CSMD1: variants seen among roughly 807,000 people sequenced by gnomAD.
The protein encoded by CSMD1 is CUB and sushi domain-containing protein 1.
A neutral mutation model predicts 417.5 loss-of-function variants in CSMD1; 213 were observed. The ratio of observed to expected loss-of-function variants is 0.51; its 90% CI spans 0.46 to 0.57. The LOEUF (loss-of-function observed/expected upper bound fraction) is 0.57. Among genes scored for constraint, CSMD1 ranks in the 20% least tolerant of loss-of-function variants. The pLI, the probability that CSMD1 is intolerant of heterozygous loss-of-function variation, is 0.00. For synonymous variants in CSMD1, 2,862 were observed against 1,736.8 expected (o/e 1.65, Z -16.11); for missense variants, 6,923 against 4,529.7 (o/e 1.53, Z -15.17).
chr8:3,679,314 G>C (rs1190783850), intron 7 of CSMD1, among the ~76,000 whole-genome samples: 1 of 152,092 alleles, frequency 6.6e-6, no homozygotes, highest in African/African-American at 2.4e-5. Context: ...GACACACATA[G>C]GCTCAAAATA....
chr8:4,677,158 T>G (rs2130964583), intron 1 of CSMD1, among the ~76,000 whole-genome samples: 1 of 148,898 alleles, frequency 6.7e-6, no homozygotes, highest in Admixed American at 6.7e-5. Flanking sequence ...ACATTATATC[T>G]CTATCGGATT....
At chr8:3,981,701 C>T (rs530758888) in intron 5 of CSMD1, among the ~76,000 whole-genome samples, 38 of 152,108 alleles carry the variant, frequency 2.5e-4, no homozygotes, top group African/African-American at 8.7e-4. Flanking sequence ...AAGAAAGGCT[C>T]TTTTGTATTT....
rs539788981 is a variant in CSMD1 at position 3,565,929 on chromosome 8, G to T, written c.1344+9016C>A. 2.0e-5 allele frequency among the ~76,000 whole-genome samples: 3 copies of T among 152,160 alleles called. No individual in the cohort carries two copies. In the East Asian group the frequency reaches 5.8e-4, roughly 29 times the overall value. The stretch of plus-strand genomic sequence containing the variant: ...TCCTGCTTCCAGTTTTGTGCCATCC[G>T]TGATGCGGACCAATCTTCCCAACGT... On this transcript the variant is annotated intron_variant, in intron 10 of 69. Transcript: ENST00000635120.
At chr8:3,014,176 G>C (rs141988789) in intron 52 of CSMD1, among the ~76,000 whole-genome samples, 5 of 141,072 alleles carry the variant, frequency 3.5e-5, no homozygotes, top group African/African-American at 1.4e-4. Flanking sequence ...TGCCCTGATC[G>C]AAGATAGGAA....
At chr8:3,640,081 A>G (rs547377469) in intron 7 of CSMD1, among the ~76,000 whole-genome samples, 56 of 152,308 alleles carry the variant, frequency 3.7e-4, no homozygotes, top group African/African-American at 1.3e-3. Flanking sequence ...AACTTATTTT[A>G]AAAATTGAAG....
chr8:4,197,681 C>T (rs1182287006), intron 3 of CSMD1, among the ~76,000 whole-genome samples: 1 of 152,124 alleles, frequency 6.6e-6, no homozygotes, highest in East Asian at 1.9e-4. Context: ...GAGTTTGAGG[C>T]CAGCTTGGCC....
rs538628935 is a variant in CSMD1, at chr8:3,723,933, A to C, written c.932-15442T>G. Among the ~76,000 whole-genome samples, 8 of 152,356 alleles carry C rather than the reference A, an allele frequency of 5.3e-5. No homozygotes were observed. The East Asian group carries it at 1.4e-3, about 26-fold the overall frequency. On this transcript the variant is annotated intron_variant, in intron 6 of 69. Coordinates refer to ENST00000635120, the MANE Select transcript of CSMD1 (RefSeq NM_033225.6). ...TGGATGCAGATTCCATTTTGTAGCT[A>C]ACTTTTAAGAAATAGCCATTTGTTA...
chr8:4,614,608 A>C (rs1242170652), intron 2 of CSMD1, among the ~76,000 whole-genome samples: 6 of 152,138 alleles, frequency 3.9e-5, no homozygotes, highest in African/African-American at 1.4e-4. Flanking sequence ...AAGTCCGCTG[A>C]GTATGACCAC....
intron 5 of CSMD1, among the ~76,000 whole-genome samples, chr8:3,956,540 C>T (rs1358720668): frequency 2.6e-5 from 4 of 152,162 alleles, no homozygotes; most frequent in Non-Finnish European, 5.9e-5. Context: ...AAAATAATGG[C>T]TACTTTTTAT....
intron 49 of CSMD1, among the ~76,000 whole-genome samples, chr8:3,069,544 C>CT (rs1585270674): frequency 1.3e-5 from 2 of 152,202 alleles, no homozygotes; most frequent in East Asian, 3.9e-4. Flanking sequence ...TCCTTTGACT[C>CT]TGTCTTACAT....
At chr8:3,147,230 A>G (rs1380458079) in intron 40 of CSMD1, among the ~76,000 whole-genome samples, 5 of 152,128 alleles carry the variant, frequency 3.3e-5, no homozygotes, top group Non-Finnish European at 7.4e-5. Flanking sequence ...TTTCTTTTGT[A>G]ATTCACTTTG....
At chr8:4,513,032 T>A (rs565332688) in intron 2 of CSMD1, among the ~76,000 whole-genome samples, 27 of 152,242 alleles carry the variant, frequency 1.8e-4, no homozygotes, top group African/African-American at 6.5e-4. Context: ...GCACAGATAA[T>A]TAAACAATGA....
intron 3 of CSMD1, among the ~76,000 whole-genome samples, chr8:4,253,349 A>T (rs1272180419): frequency 6.6e-6 from 1 of 151,882 alleles, no homozygotes; most frequent in Non-Finnish European, 1.5e-5. Flanking sequence ...TTATCACTGT[A>T]TATTATAATT....
intron 1 of CSMD1, among the ~76,000 whole-genome samples, chr8:4,705,399 T>A (rs568496290): frequency 6.6e-6 from 1 of 152,158 alleles, no homozygotes; most frequent in East Asian, 1.9e-4. Context: ...AGAACATGCA[T>A]AGTCATCCAA....
At chr8:4,220,271 T>A (rs549293223) in intron 3 of CSMD1, among the ~76,000 whole-genome samples, 4 of 152,190 alleles carry the variant, frequency 2.6e-5, no homozygotes, top group Admixed American at 2.6e-4. Flanking sequence ...TTAGAGATAC[T>A]TGTCAGTGAG....
intron 2 of CSMD1, among the ~76,000 whole-genome samples, chr8:4,595,591 C>G (rs991360680): frequency 2.0e-5 from 3 of 152,020 alleles, no homozygotes; most frequent in African/African-American, 7.2e-5. Flanking sequence ...TAAACAATGT[C>G]CCTTTCCTTA....
At chr8:4,165,375 T>C (rs1459107769) in intron 3 of CSMD1, among the ~76,000 whole-genome samples, 1 of 152,246 alleles carries the variant, frequency 6.6e-6, no homozygotes, top group Non-Finnish European at 1.5e-5. Context: ...AAAACAACTC[T>C]TACTAAAAGA....
At chr8:2,972,193 T>A (rs906387022) in intron 57 of CSMD1, among the ~76,000 whole-genome samples, 1 of 152,076 alleles carries the variant, frequency 6.6e-6, no homozygotes, top group Admixed American at 6.6e-5. Flanking sequence ...ATAGAATGTA[T>A]AATACAATAA....
At chr8:2,983,378 G>A (rs1805591272) in intron 54 of CSMD1, among the ~76,000 whole-genome samples, 2 of 152,060 alleles carry the variant, frequency 1.3e-5, no homozygotes, top group South Asian at 4.2e-4. Flanking sequence ...AGTAGAGACA[G>A]AGTTTCACTG....
Sources: allele counts gnomAD v4.1 joint callset (sites outside exome capture counted in the v4.1 genomes callset), GRCh38; gene constraint gnomAD v4.1.1; transcripts MANE v1.5; gene names NCBI Gene and HGNC (gene_info 2026-07-23, HGNC 2026-07-21).